PCDHA1: variants seen among roughly 807,000 people sequenced by gnomAD.
PCDHA1 encodes the protein protocadherin alpha-1.
PCDHA1 carries 42 observed loss-of-function variants against 61.3 expected under a neutral mutation model. The observed-to-expected ratio is 0.69, with a 90% CI of 0.54 to 0.89. PCDHA1 has a LOEUF of 0.89. Ranked by LOEUF, PCDHA1 falls within the 40% of genes least tolerant of loss-of-function variation. The pLI, the probability that PCDHA1 is intolerant of heterozygous loss-of-function variation, is 0.00. For synonymous variants in PCDHA1, 610 were observed against 553.8 expected, an observed-to-expected ratio of 1.10 and a Z score of -1.43; for missense variants, 1,256 against 1,235.3, an observed-to-expected ratio of 1.02 and a Z score of -0.25.
At chr5:140,873,086 C>G (rs984385666) in intron 1 of PCDHA1, among the ~76,000 whole-genome samples, 1 of 152,122 alleles carries the variant, frequency 6.6e-6, no homozygotes, top group Non-Finnish European at 1.5e-5. Context: ...ATTTCCCCCC[C>G]GTATAGAGGC....
At chr5:140,829,217 G>A in intron 1 of PCDHA1, 4 of 1,614,204 alleles carry the variant, frequency 2.5e-6, no homozygotes, top group East Asian at 4.5e-5. Flanking sequence ...TAGCGTGAAC[G>A]ACCTCGATTC....
chr5:140,949,636 T>A (rs1047386786), intron 1 of PCDHA1, among the ~76,000 whole-genome samples: 1 of 151,898 alleles, frequency 6.6e-6, no homozygotes, highest in Admixed American at 6.6e-5. Context: ...GGCATATTGC[T>A]TTTTGTTCAT....
rs533995955 is a variant in PCDHA1, at chr5:140,975,833, A to T, written c.2395-3116A>T. On this transcript the variant is annotated intron_variant, in intron 1 of 3. Coordinates refer to ENST00000504120, the MANE Select transcript of PCDHA1 (RefSeq NM_018900.4). ...TTAATAGGAACTGAAGTGTATTCTT[A>T]TTCTTCAGTAATACTACATCACCCA... 2.6e-5 allele frequency among the ~76,000 whole-genome samples: 4 copies of T among 152,336 alleles called. No individual in the cohort carries two copies. In the South Asian group the frequency reaches 8.3e-4, roughly 32 times the overall value.
chr5:141,010,343 G>C lies in PCDHA1; in HGVS notation c.*406G>C. 1 of 1,518,858 alleles carries C rather than the reference G, an allele frequency of 6.6e-7. No homozygotes were observed. Among genetic ancestry groups the C allele is most frequent in the Admixed American group, 2.1e-5 (1 of 46,514 alleles). 94.1% of individuals were successfully genotyped at this position (1,518,858 alleles called of 1,614,324 possible). A position where few individuals can be genotyped will look rare whatever the true frequency, so the allele number is the denominator to read the frequency against. On this transcript the variant is annotated 3_prime_UTR_variant, in exon 4 of 4. Coordinates refer to ENST00000504120, the MANE Select transcript of PCDHA1 (RefSeq NM_018900.4). ...GCAGCTTGGGAGTTTGTGGCCACTGGGTATGTGTGGCTACCGCGGGTATGC... is the reference window on the plus strand; with the variant it reads ...GCAGCTTGGGAGTTTGTGGCCACTGCGTATGTGTGGCTACCGCGGGTATGC...
In PCDHA1 at chr5:140,851,131, G is replaced by T. The variant is rs2041968794; in HGVS notation, c.2394+62447G>T. The T allele has an allele frequency of 4.6e-6, 6 of 1,310,148 alleles. No individual in the cohort carries two copies. In the East Asian group the frequency reaches 1.6e-4, roughly 35 times the overall value. The allele number at this position is 1,310,148 out of a possible 1,614,324, so 81.2% of individuals were successfully genotyped here. ...CTGAATCAATTTTATTTAAATTTGT[G>T]ATTAAAGTGACATTGAATTTCTGAT... On this transcript the variant is annotated intron_variant, in intron 1 of 3. Coordinates refer to ENST00000504120, the MANE Select transcript of PCDHA1 (RefSeq NM_018900.4).
chr5:140,841,839 G>A, intron 1 of PCDHA1: 1 of 1,613,898 alleles, frequency 6.2e-7, no homozygotes, highest in Middle Eastern at 1.6e-4. Context: ...TACAGGCTTA[G>A]CTCTCATGAT....
intron 1 of PCDHA1, chr5:140,856,159 G>A (rs1554148275): frequency 6.3e-7 from 1 of 1,598,348 alleles, no homozygotes; most frequent in Non-Finnish European, 8.6e-7. Context: ...TCTACGAGGA[G>A]GCCAGACACG....
At chr5:140,791,542 C>T (rs566243764) in intron 1 of PCDHA1, among the ~76,000 whole-genome samples, 1 of 152,086 alleles carries the variant, frequency 6.6e-6, no homozygotes, top group South Asian at 2.1e-4. Flanking sequence ...GGTCCCACTG[C>T]CATTAAGCTA....
chr5:140,928,551 G>T, intron 1 of PCDHA1: 2 of 1,614,164 alleles, frequency 1.2e-6, no homozygotes, highest in Non-Finnish European at 1.7e-6. Context: ...ACAATTATCC[G>T]GTTATCTTGT....
intron 1 of PCDHA1, chr5:140,807,580 G>T (rs782352876): frequency 4.3e-6 from 7 of 1,614,180 alleles, no homozygotes; most frequent in East Asian, 2.2e-5. Flanking sequence ...ATAACCCGCC[G>T]GTGTTCCCAG....
rs1054445908 is a variant in PCDHA1 at position 140,796,141 on chromosome 5, G to A, written c.2394+7457G>A. On this transcript the variant is annotated intron_variant, in intron 1 of 3. Coordinates refer to ENST00000504120, the MANE Select transcript of PCDHA1 (RefSeq NM_018900.4). ...TGTCACCTGCTCCCTGACGCCCCAC[G>A]TCCCTTTCAAGCTGGTGTCCACCTT... 1.2e-6 allele frequency: 2 copies of A among 1,614,158 alleles called. No individual in the cohort carries two copies. Among genetic ancestry groups the A allele is most frequent in the Non-Finnish European group, 1.7e-6 (2 of 1,180,044 alleles).
chr5:140,834,332 A>G (rs1179395632), intron 1 of PCDHA1: 7 of 1,485,034 alleles, frequency 4.7e-6, no homozygotes, highest in Non-Finnish European at 6.4e-6. Context: ...AAACATTCCT[A>G]TAAATTCGAA....
At chr5:140,807,546 A>G (rs782531959) in intron 1 of PCDHA1, 11 of 1,614,016 alleles carry the variant, frequency 6.8e-6, no homozygotes, top group African/African-American at 1.3e-5. Context: ...TTCCATGTGG[A>G]CGTGGAGGTG....
At chr5:140,796,141 G>T (rs1054445908) in intron 1 of PCDHA1, 8 of 1,614,040 alleles carry the variant, frequency 5.0e-6, no homozygotes, top group Non-Finnish European at 5.9e-6. Context: ...GACGCCCCAC[G>T]TCCCTTTCAA....
At chr5:140,964,213 A>G (rs1338010666) in intron 1 of PCDHA1, among the ~76,000 whole-genome samples, 10 of 152,210 alleles carry the variant, frequency 6.6e-5, no homozygotes, top group African/African-American at 1.9e-4. Flanking sequence ...CTTTAGTACA[A>G]TGTCTTTCAA....
At chr5:140,928,657 G>T in intron 1 of PCDHA1, 1 of 1,614,220 alleles carries the variant, frequency 6.2e-7, no homozygotes, top group Admixed American at 1.7e-5. Flanking sequence ...AGAGGATGCT[G>T]ACAGTGGTTC....
intron 1 of PCDHA1, among the ~76,000 whole-genome samples, chr5:140,798,511 T>C (rs1404293833): frequency 6.6e-6 from 1 of 152,224 alleles, no homozygotes; most frequent in African/African-American, 2.4e-5. Flanking sequence ...ATGTTAATGG[T>C]TGATAAATCA....
chr5:140,961,564 T>A (rs2095622037), intron 1 of PCDHA1, among the ~76,000 whole-genome samples: 1 of 152,208 alleles, frequency 6.6e-6, no homozygotes, highest in African/African-American at 2.4e-5. Flanking sequence ...TTTTAAATTT[T>A]GTTTTGATAA....
intron 1 of PCDHA1, chr5:140,801,856 C>A: frequency 6.2e-7 from 1 of 1,614,008 alleles, no homozygotes; most frequent in Non-Finnish European, 8.5e-7. Flanking sequence ...GGTGGGAAAC[C>A]AGAGCTCACT....
Sources: allele counts gnomAD v4.1 joint callset (sites outside exome capture counted in the v4.1 genomes callset), GRCh38; gene constraint gnomAD v4.1.1; transcripts MANE v1.5; gene names NCBI Gene and HGNC (gene_info 2026-07-23, HGNC 2026-07-21).